IL12RB2: variants seen among roughly 807,000 people sequenced by gnomAD.
IL12RB2 encodes interleukin 12 receptor subunit beta 2.
Under a neutral mutation model 89.4 loss-of-function variants are expected in IL12RB2, and 82 were observed. The observed-to-expected ratio is 0.92, with a 90% CI of 0.77 to 1.10. The LOEUF (loss-of-function observed/expected upper bound fraction) is 1.10. Ranked by LOEUF, IL12RB2 falls within the 50% of genes least tolerant of loss-of-function variation. IL12RB2 has a pLI of 0.00. For missense variants in IL12RB2, 963 were observed against 1,031.9 expected (o/e 0.93, Z 0.92); for synonymous variants, 368 against 370.1 (o/e 0.99, Z 0.07).
At chr1:67,365,724 T>C (rs1355820443) in intron 10 of IL12RB2, among the ~76,000 whole-genome samples, 4 of 151,676 alleles carry the variant, frequency 2.6e-5, no homozygotes, top group Admixed American at 2.0e-4. Flanking sequence ...TAAAATGTAT[T>C]CTCCCCCTGA....
At chr1:67,352,494 C>G (rs1660956195) in intron 10 of IL12RB2, among the ~76,000 whole-genome samples, 1 of 152,180 alleles carries the variant, frequency 6.6e-6, no homozygotes, top group South Asian at 2.1e-4. Flanking sequence ...TCAGCCCTTA[C>G]TTTTAAGGAG....
In IL12RB2 at chr1:67,387,101, G is replaced by T. The variant is rs951810198; in HGVS notation, c.1946+432G>T. Among the ~76,000 whole-genome samples, 5 of 150,894 alleles carry T rather than the reference G, an allele frequency of 3.3e-5. No individual in the cohort carries two copies. In the East Asian group the frequency reaches 9.9e-4, roughly 30 times the overall value. On this transcript the variant is annotated intron_variant, in intron 15 of 16. Transcript: ENST00000674203. ...CCACCACCATGCCCAGATAATTTTT[G>T]TATTTTTTATTAGAGACAGGGTTTC...
At chr1:67,327,125 T>C (rs1657432598) in intron 5 of IL12RB2, among the ~76,000 whole-genome samples, 1 of 151,746 alleles carries the variant, frequency 6.6e-6, no homozygotes, top group Non-Finnish European at 1.5e-5. Context: ...CACGCCCAGC[T>C]AATTTTTGTA....
At position 67,372,595 on chromosome 1, in the gene IL12RB2, G is replaced by A. The variant is rs750989714; in HGVS notation, c.1559-30G>A. 227 of 1,611,644 alleles carry A rather than the reference G, an allele frequency of 1.4e-4. 1 individual carries two copies. Among genetic ancestry groups the A allele is most frequent in the Non-Finnish European group, 5.9e-6 (7 of 1,177,856 alleles). On this transcript the variant is annotated intron_variant, in intron 12 of 16. Transcript: ENST00000674203. ...GTTTAATGATTTGGATTTGGAGGGT[G>A]ACAGAAGCCTCCTGTGCCCTACTTT...
chr1:67,389,450 A>G (rs1189266002), intron 15 of IL12RB2, among the ~76,000 whole-genome samples: 1 of 152,094 alleles, frequency 6.6e-6, no homozygotes, highest in African/African-American at 2.4e-5. Context: ...TGTTTTTAGG[A>G]TTTTTCCTTC....
chr1:67,356,261 T>C (rs571098218), intron 10 of IL12RB2, among the ~76,000 whole-genome samples: 132 of 152,286 alleles, frequency 8.7e-4, no homozygotes, highest in African/African-American at 2.9e-3. Context: ...CTCTGGGGAA[T>C]AGTGATGAAG....
intron 8 of IL12RB2, 83 bp from the exon 9 acceptor site, chr1:67,338,541 T>G: frequency 1.3e-6 from 1 of 771,924 alleles, no homozygotes; most frequent in Non-Finnish European, 2.4e-6. Flanking sequence ...ATTCTACTCT[T>G]CCAGAATTGT....
intron 16 of IL12RB2, among the ~76,000 whole-genome samples, chr1:67,394,544 CA>C (rs887436446): frequency 2.0e-5 from 3 of 151,774 alleles, no homozygotes; most frequent in African/African-American, 7.3e-5. Flanking sequence ...TAGCTAAAGG[CA>C]AAAAAAGATG....
At chr1:67,372,854 G>C in intron 13 of IL12RB2, 71 bp downstream of exon 13, 1 of 1,002,548 alleles carries the variant, frequency 1.0e-6, no homozygotes, top group Non-Finnish European at 1.6e-6. Flanking sequence ...AAGGAGGTGT[G>C]TGTGCACATC....
intron 16 of IL12RB2, among the ~76,000 whole-genome samples, chr1:67,392,438 T>C (rs1665926084): frequency 6.6e-6 from 1 of 152,112 alleles, no homozygotes; most frequent in South Asian, 2.1e-4. Flanking sequence ...CAAAGTGGGT[T>C]TATTTATATA....
intron 9 of IL12RB2, among the ~76,000 whole-genome samples, chr1:67,347,032 A>G (rs1286339711): frequency 3.3e-5 from 5 of 152,226 alleles, no homozygotes; most frequent in Non-Finnish European, 5.9e-5. Context: ...GAATGCTCCA[A>G]TAAGCCTACA....
intron 14 of IL12RB2, among the ~76,000 whole-genome samples, chr1:67,381,972 C>T (rs149151853): frequency 9.2e-5 from 14 of 151,790 alleles, no homozygotes; most frequent in Admixed American, 2.6e-4. Flanking sequence ...GGTGACAGAG[C>T]GAGACTCTGT....
intron 1 of IL12RB2, among the ~76,000 whole-genome samples, chr1:67,310,109 G>A (rs974691161): frequency 3.3e-5 from 5 of 150,366 alleles, no homozygotes; most frequent in East Asian, 2.0e-4. Flanking sequence ...GATTGAACCC[G>A]GGAGGCAGAG....
intron 9 of IL12RB2, among the ~76,000 whole-genome samples, chr1:67,348,140 T>C (rs964268645): frequency 5.3e-5 from 8 of 152,092 alleles, no homozygotes; most frequent in Non-Finnish European, 1.0e-4. Context: ...CCTTCTGAGC[T>C]CACAGCTTGT....
intron 11 of IL12RB2, among the ~76,000 whole-genome samples, chr1:67,371,123 T>C (rs1371390933): frequency 6.6e-6 from 1 of 152,216 alleles, no homozygotes; most frequent in Non-Finnish European, 1.5e-5. Flanking sequence ...TATGATTTCA[T>C]ATTCCATGTT....
intron 6 of IL12RB2, among the ~76,000 whole-genome samples, chr1:67,328,982 G>T (rs1657694211): frequency 6.6e-6 from 1 of 152,180 alleles, no homozygotes; most frequent in African/African-American, 2.4e-5. Flanking sequence ...TGGGCTGCCT[G>T]AAGTTCCAAC....
At chr1:67,354,680 G>A (rs564954810) in intron 10 of IL12RB2, among the ~76,000 whole-genome samples, 41 of 152,290 alleles carry the variant, frequency 2.7e-4, no homozygotes, top group African/African-American at 9.1e-4. Flanking sequence ...ACAAATTGGC[G>A]AACTGCATGG....
At chr1:67,381,591 G>A (rs1044259076) in intron 14 of IL12RB2, among the ~76,000 whole-genome samples, 3 of 151,688 alleles carry the variant, frequency 2.0e-5, no homozygotes, top group Admixed American at 6.6e-5. Flanking sequence ...GTGAAACCCC[G>A]TCTCTACTAA....
intron 16 of IL12RB2, among the ~76,000 whole-genome samples, chr1:67,391,601 G>A (rs866705786): frequency 3.4e-4 from 51 of 149,574 alleles, no homozygotes; most frequent in African/African-American, 7.4e-4. Context: ...ATTTTCATAC[G>A]TTAACATTTA....
Sources: gnomAD v4.1 joint callset for allele counts (sites outside exome capture counted in the v4.1 genomes callset) on GRCh38, gnomAD v4.1.1 for gene constraint, MANE v1.5 for transcripts, NCBI Gene and HGNC (gene_info 2026-07-23, HGNC 2026-07-21) for gene names.